The following ARHGAP32 variants were observed in gnomAD, a reference collection of about 807,000 sequenced individuals.
ARHGAP32 encodes rho GTPase-activating protein 32.
A neutral mutation model predicts 186.5 loss-of-function variants in ARHGAP32; 51 were observed. The observed-to-expected ratio is 0.27, with a 90% CI of 0.22 to 0.35. The LOEUF (loss-of-function observed/expected upper bound fraction) is 0.35. ARHGAP32 is among the 10% of genes least tolerant of loss of function. ARHGAP32 has a pLI of 1.00. For synonymous variants in ARHGAP32, 950 were observed against 964.3 expected (o/e 0.99, Z 0.27); for missense variants, 2,186 against 2,623.5 (o/e 0.83, Z 3.64).
intron 1 of ARHGAP32, among the ~76,000 whole-genome samples, chr11:129,270,336 A>C (rs1945458507): frequency 6.6e-6 from 1 of 152,184 alleles, no homozygotes; most frequent in South Asian, 2.1e-4. Context: ...AACAGTAAAA[A>C]GGCTGGTGGT....
chr11:129,037,907 C>G (rs534749027), intron 11 of ARHGAP32, among the ~76,000 whole-genome samples: 1 of 151,728 alleles, frequency 6.6e-6, no homozygotes, highest in African/African-American at 2.4e-5. Context: ...TTAAGACCAG[C>G]CTGGCCAACA....
intron 1 of ARHGAP32, among the ~76,000 whole-genome samples, chr11:129,275,107 T>A (rs1440922274): frequency 6.6e-6 from 1 of 152,230 alleles, no homozygotes; most frequent in African/African-American, 2.4e-5. Context: ...TTTCTCAAGT[T>A]ATTCCGCTTA....
At position 128,970,412 on chromosome 11, in the gene ARHGAP32, G is replaced by A. The variant is rs768807741; in HGVS notation, c.4801C>T (p.His1601Tyr). 1 of 1,614,186 alleles carries A rather than the reference G, an allele frequency of 6.2e-7. No homozygotes were observed. The highest frequency in any genetic ancestry group is 8.5e-7 in the Non-Finnish European group (1 of 1,180,036). The stretch of plus-strand genomic sequence containing the variant: ...CGAATCATGGAAGACGGCGGAGCAT[G>A]GAGAGACTGCACTCTCCGGATGGTA... ...YPTIRRVQSLHAPPSSMIRSV... is the reference protein window; with the variant it reads ...YPTIRRVQSLYAPPSSMIRSV... The change falls in exon 23 of 23, where the codon CAT becomes TAT. Residue 1601 changes from histidine to tyrosine, a missense_variant. His to Tyr is a moderately conservative substitution (Grantham distance 83). Transcript: ENST00000682385. This position sits in a 1 kb window ranked among gnomAD's most constrained non-coding sequence, Gnocchi z 5.8.
At chr11:129,128,273 T>A (rs1942708186) in intron 2 of ARHGAP32, among the ~76,000 whole-genome samples, 1 of 152,194 alleles carries the variant, frequency 6.6e-6, no homozygotes, top group Non-Finnish European at 1.5e-5. Flanking sequence ...TGCCATGTAG[T>A]GTTCTCTAAT....
At chr11:129,196,356 A>G (rs532355552), upstream of ARHGAP32, among the ~76,000 whole-genome samples, 26 of 152,334 alleles carry the variant, frequency 1.7e-4, no homozygotes, top group African/African-American at 6.3e-4. Flanking sequence ...TTGAACATGT[A>G]CAGGCTTCTT....
chr11:129,186,523 T>G (rs1361321398), intron 1 of ARHGAP32, among the ~76,000 whole-genome samples: 1 of 152,136 alleles, frequency 6.6e-6, no homozygotes, highest in Non-Finnish European at 1.5e-5. Context: ...ATGTTATACT[T>G]ACTGTTAAAA....
chr11:129,176,093 T>C (rs1234916602), intron 1 of ARHGAP32, among the ~76,000 whole-genome samples: 1 of 83,884 alleles, frequency 1.2e-5, no homozygotes, highest in African/African-American at 6.5e-5. Flanking sequence ...TGGAGGAAGA[T>C]CTACCAAGCA....
At chr11:129,087,875 T>G (rs756714847) in intron 6 of ARHGAP32, among the ~76,000 whole-genome samples, 3 of 152,236 alleles carry the variant, frequency 2.0e-5, no homozygotes, top group Non-Finnish European at 4.4e-5. Context: ...CTGTTCAATT[T>G]TGCTGTGAAT....
chr11:129,253,906 T>A (rs1945219541), intron 1 of ARHGAP32, among the ~76,000 whole-genome samples: 2 of 152,122 alleles, frequency 1.3e-5, no homozygotes, highest in Admixed American at 1.3e-4. Flanking sequence ...CATAATACAG[T>A]TATATAAATA....
intron 15 of ARHGAP32, among the ~76,000 whole-genome samples, chr11:128,983,165 T>C (rs1014093842): frequency 2.0e-5 from 3 of 152,114 alleles, no homozygotes; most frequent in Non-Finnish European, 2.9e-5. Context: ...GAGGACAAAG[T>C]CAAGGTTGCT....
rs781045382 is a variant in ARHGAP32 at position 128,974,306 on chromosome 11, T to C, written c.2891A>G (p.Asn964Ser). The C allele has an allele frequency of 2.1e-5, 34 of 1,614,200 alleles. No individual in the cohort carries two copies. The highest frequency in any genetic ancestry group is 2.8e-5 in the Non-Finnish European group (33 of 1,180,036). ...DKCVEERDAT[N>S]RSPTQIVKMK... Reference sequence around the variant, plus strand: ...CTTTACTATCTGGGTGGGGGATCTATTTGTGGCATCCCTTTCTTCAACGCA... The same window carrying C: ...CTTTACTATCTGGGTGGGGGATCTACTTGTGGCATCCCTTTCTTCAACGCA... Residue 964 changes from asparagine to serine, a missense_variant, in exon 21 of 23, where the codon AAT (asparagine) becomes AGT (serine). Asn to Ser is a conservative substitution (Grantham distance 46, BLOSUM62 1). Coordinates refer to ENST00000682385, the MANE Select transcript of ARHGAP32 (RefSeq NM_001378024.1).
chr11:129,020,385 G>A lies in ARHGAP32; in HGVS notation c.1045+20543C>T, dbSNP rs181081047. 1.8e-3 allele frequency among the ~76,000 whole-genome samples: 278 copies of A among 152,128 alleles called. 1 individual carries two copies. Among genetic ancestry groups the A allele is most frequent in the South Asian group, 5.0e-3 (24 of 4,830 alleles). ...TAATTTACATAACATGCTTATAACT[G>A]TTTCTTGGACTTGATGCTTGTACTA... On this transcript the variant is annotated intron_variant, in intron 11 of 22. Coordinates refer to ENST00000682385, the MANE Select transcript of ARHGAP32 (RefSeq NM_001378024.1).
At chr11:129,092,128 T>C (rs1050708886) in intron 6 of ARHGAP32, among the ~76,000 whole-genome samples, 2 of 152,064 alleles carry the variant, frequency 1.3e-5, no homozygotes, top group Non-Finnish European at 2.9e-5. Context: ...AGGTCACTAA[T>C]ACTGTACATG....
At chr11:129,168,453 A>G (rs952362069) in intron 1 of ARHGAP32, among the ~76,000 whole-genome samples, 4 of 152,218 alleles carry the variant, frequency 2.6e-5, no homozygotes, top group African/African-American at 9.6e-5. Context: ...GCATCAAATT[A>G]ACAGGTTAAC....
intron 11 of ARHGAP32, among the ~76,000 whole-genome samples, chr11:129,006,542 G>T (rs945246025): frequency 6.6e-6 from 1 of 152,194 alleles, no homozygotes; most frequent in South Asian, 2.1e-4. Flanking sequence ...TTACCGGTCA[G>T]AGACTTTTGT....
intron 5 of ARHGAP32, among the ~76,000 whole-genome samples, chr11:129,113,076 C>T (rs1203236457): frequency 6.6e-6 from 1 of 152,140 alleles, no homozygotes; most frequent in African/African-American, 2.4e-5. Flanking sequence ...ATTACAATGT[C>T]ATGACTTTTC....
At chr11:129,109,772 G>GT (rs959524616) in intron 5 of ARHGAP32, among the ~76,000 whole-genome samples, 2 of 151,586 alleles carry the variant, frequency 1.3e-5, no homozygotes, top group East Asian at 1.9e-4. Flanking sequence ...TGAGATTTGT[G>GT]TTTTTTTATT....
chr11:129,157,049 C>G (rs559933287), intron 2 of ARHGAP32, among the ~76,000 whole-genome samples: 2 of 152,088 alleles, frequency 1.3e-5, no homozygotes, highest in African/African-American at 2.4e-5. Context: ...ACAAAAAGGA[C>G]GTACACACAT....
intron 1 of ARHGAP32, among the ~76,000 whole-genome samples, chr11:129,170,928 G>C (rs1943747186): frequency 6.6e-6 from 1 of 152,176 alleles, no homozygotes; most frequent in Non-Finnish European, 1.5e-5. Context: ...CAGTTATGTT[G>C]AGCTTCTTTT....
Sources: allele counts gnomAD v4.1 joint callset (sites outside exome capture counted in the v4.1 genomes callset), GRCh38; gene constraint gnomAD v4.1.1; non-coding constraint Gnocchi (gnomAD v3.1); transcripts MANE v1.5; gene names NCBI Gene and HGNC (gene_info 2026-07-23, HGNC 2026-07-21).